The following SLC71A1 variants were observed in gnomAD, a reference collection of about 807,000 sequenced individuals.
SLC71A1 encodes the protein solute carrier family 71 member 1, also known as hippocampus abundant gene transcript 1.
At chr1:100,042,043 T>G in the SLC71A1 span, among the ~76,000 whole-genome samples, 5 of 152,262 alleles carry the variant, frequency 3.3e-5, no homozygotes, top group African/African-American at 9.6e-5. Context: ...AATTCTGTTT[T>G]GTTTTATTAA....
At chr1:100,077,696 C>G in the SLC71A1 span, among the ~76,000 whole-genome samples, 1 of 152,152 alleles carries the variant, frequency 6.6e-6, no homozygotes, top group African/African-American at 2.4e-5. Context: ...TGAAAACAAT[C>G]CAGTTATTTT....
the SLC71A1 span, among the ~76,000 whole-genome samples, chr1:100,055,223 A>G: frequency 6.6e-6 from 1 of 152,250 alleles, no homozygotes; most frequent in Admixed American, 6.5e-5. Flanking sequence ...GATTATTGAA[A>G]GAAAAGCATA....
chr1:100,074,879 GA>G, the SLC71A1 span, among the ~76,000 whole-genome samples: 2 of 149,342 alleles, frequency 1.3e-5, no homozygotes, highest in African/African-American at 2.5e-5. Context: ...CGTCTCAAAA[GA>G]AAAAAAAACC....
the SLC71A1 span, chr1:100,059,806 G>T: frequency 1.5e-6 from 2 of 1,344,226 alleles, no homozygotes; most frequent in East Asian, 2.5e-5. Flanking sequence ...TTTTCTATAG[G>T]AGTAAAATGA....
At chr1:100,049,215 C>T in the SLC71A1 span, among the ~76,000 whole-genome samples, 1 of 152,100 alleles carries the variant, frequency 6.6e-6, no homozygotes, top group Admixed American at 6.6e-5. Context: ...TTTTCTTTCT[C>T]ATGTATATCA....
chr1:100,072,993 T>G, the SLC71A1 span, among the ~76,000 whole-genome samples: 4 of 152,068 alleles, frequency 2.6e-5, no homozygotes, highest in Non-Finnish European at 5.9e-5. Flanking sequence ...ATGGCCAAAA[T>G]TAAAATCTGG....
chr1:100,057,413 G>A, the SLC71A1 span, among the ~76,000 whole-genome samples: 1 of 148,584 alleles, frequency 6.7e-6, no homozygotes, highest in African/African-American at 2.5e-5. Flanking sequence ...GGAGTGTGGT[G>A]GCACGATCTC....
At chr1:100,064,107 A>ATGTG in the SLC71A1 span, among the ~76,000 whole-genome samples, 1 of 151,762 alleles carries the variant, frequency 6.6e-6, no homozygotes, top group African/African-American at 2.4e-5. Flanking sequence ...ATTTATATGT[A>ATGTG]TGTGTGTGTG....
chr1:100,071,315 A>AAAAAAAAAAAG, the SLC71A1 span, among the ~76,000 whole-genome samples: 13 of 136,364 alleles, frequency 9.5e-5, no homozygotes, highest in Non-Finnish European at 1.9e-4. Context: ...AAAAAAAAAA[A>AAAAAAAAAAAG]AGAAAGAAAG....
chr1:100,047,387 T>C, the SLC71A1 span, among the ~76,000 whole-genome samples: 3 of 152,364 alleles, frequency 2.0e-5, no homozygotes, highest in South Asian at 4.1e-4. Flanking sequence ...CTTTCATACC[T>C]GGATGAATCC....
chr1:100,077,537 G>A, the SLC71A1 span, among the ~76,000 whole-genome samples: 2 of 152,232 alleles, frequency 1.3e-5, no homozygotes, highest in South Asian at 4.2e-4. Flanking sequence ...AATCTTTAAG[G>A]AGCATTTAAT....
the SLC71A1 span, chr1:100,038,397 A>G: frequency 8.4e-7 from 1 of 1,192,574 alleles, no homozygotes; most frequent in African/African-American, 1.5e-5. Flanking sequence ...TGCCGTCTCT[A>G]GGCGTCCCGG....
At chr1:100,048,208 A>T in the SLC71A1 span, among the ~76,000 whole-genome samples, 2 of 143,806 alleles carry the variant, frequency 1.4e-5, no homozygotes, top group African/African-American at 5.2e-5. Flanking sequence ...TTTTTTTCAG[A>T]GTCTCTGTCG....
At chr1:100,067,751 A>T in the SLC71A1 span, among the ~76,000 whole-genome samples, 1 of 152,126 alleles carries the variant, frequency 6.6e-6, no homozygotes, top group Non-Finnish European at 1.5e-5. Flanking sequence ...TCAAGACTAC[A>T]GTGAGCCGTG....
At chr1:100,038,192 C>T in the SLC71A1 span, 1 of 1,525,814 alleles carries the variant, frequency 6.6e-7, no homozygotes, top group Middle Eastern at 1.7e-4. Flanking sequence ...CCTGCCGCCC[C>T]GGGAGTGGCT....
the SLC71A1 span, chr1:100,069,692 T>A: frequency 6.3e-7 from 1 of 1,594,922 alleles, no homozygotes; most frequent in Non-Finnish European, 8.6e-7. Flanking sequence ...ACAGGTGAGT[T>A]TCTTTTTTTA....
chr1:100,068,530 C>T, the SLC71A1 span: 7 of 1,614,008 alleles, frequency 4.3e-6, no homozygotes, highest in African/African-American at 1.3e-5. Flanking sequence ...TACAGTGTTT[C>T]TCTCCTACCT....
At chr1:100,082,482 C>G in the SLC71A1 span, 2 of 410,874 alleles carry the variant, frequency 4.9e-6, no homozygotes, top group Admixed American at 4.0e-5. Flanking sequence ...TAATTAAAAA[C>G]TATATATGTA....
chr1:100,059,587 A>C, the SLC71A1 span, among the ~76,000 whole-genome samples: 62 of 151,856 alleles, frequency 4.1e-4, 1 homozygote, highest in East Asian at 1.9e-4. Flanking sequence ...ATACACACAC[A>C]TACACAAACA....
Sources: gnomAD v4.1 joint callset for allele counts (sites outside exome capture counted in the v4.1 genomes callset) on GRCh38, gnomAD v4.1.1 for gene constraint, MANE v1.5 for transcripts, NCBI Gene and HGNC (gene_info 2026-07-23, HGNC 2026-07-21) for gene names.